MCM9: variants seen among roughly 807,000 people sequenced by gnomAD.
MCM9 encodes the protein minichromosome maintenance 9 homologous recombination repair factor, also known as DNA helicase MCM9.
MCM9 carries 55 observed loss-of-function variants against 72.8 expected under a neutral mutation model. The observed-to-expected ratio is 0.76, with a 90% CI of 0.61 to 0.95. MCM9 has a LOEUF of 0.95. MCM9 is among the 40% of genes least tolerant of loss of function. The pLI is 0.00. For synonymous variants in MCM9, 480 were observed against 503.4 expected (o/e 0.95, Z 0.62); for missense variants, 1,279 against 1,377.0 (o/e 0.93, Z 1.13).
intron 4 of MCM9, among the ~76,000 whole-genome samples, chr6:118,923,054 C>CAAAGA (rs1419286362): frequency 1.6e-5 from 2 of 125,084 alleles, no homozygotes; most frequent in Non-Finnish European, 3.4e-5. Flanking sequence ...AAAAAAAAAG[C>CAAAGA]AAAGAAAAGA....
intron 8 of MCM9, among the ~76,000 whole-genome samples, chr6:118,877,350 C>T (rs1221395632): frequency 1.3e-5 from 2 of 152,082 alleles, no homozygotes; most frequent in Non-Finnish European, 2.9e-5. Context: ...GCCAAGACCA[C>T]TAAGAGAAAG....
At chr6:118,821,914 T>C (rs1291060934) in intron 13 of MCM9, among the ~76,000 whole-genome samples, 1 of 152,244 alleles carries the variant, frequency 6.6e-6, no homozygotes, top group Non-Finnish European at 1.5e-5. Flanking sequence ...CTTGATTGAT[T>C]TGAGTACTGA....
intron 8 of MCM9, among the ~76,000 whole-genome samples, chr6:118,883,600 T>C (rs965030388): frequency 6.6e-6 from 1 of 151,978 alleles, no homozygotes; most frequent in African/African-American, 2.4e-5. Context: ...GAACAACTCT[T>C]CATTTAAAAG....
intron 8 of MCM9, among the ~76,000 whole-genome samples, chr6:118,863,163 G>T (rs1777005674): frequency 6.6e-6 from 1 of 152,130 alleles, no homozygotes; most frequent in Admixed American, 6.5e-5. Context: ...GTATTTAATT[G>T]TATATGCATA....
intron 9 of MCM9, among the ~76,000 whole-genome samples, chr6:118,834,264 T>G (rs566947075): frequency 6.6e-6 from 1 of 152,348 alleles, no homozygotes; most frequent in South Asian, 2.1e-4. Context: ...CTATCATTGA[T>G]GGGCATTTGG....
chr6:118,837,594 G>A (rs1441142931), intron 9 of MCM9, among the ~76,000 whole-genome samples: 1 of 152,150 alleles, frequency 6.6e-6, no homozygotes, highest in Non-Finnish European at 1.5e-5. Context: ...AGGTCTTCTT[G>A]TTGCATTGAT....
intron 8 of MCM9, among the ~76,000 whole-genome samples, chr6:118,861,720 C>A (rs1440613859): frequency 6.6e-6 from 1 of 152,150 alleles, no homozygotes; most frequent in Non-Finnish European, 1.5e-5. Context: ...GGAGGAAGTG[C>A]ATGCTGACTG....
At chr6:118,856,673 G>A in intron 8 of MCM9, 128 bp from the exon 9 acceptor site, 1 of 963,604 alleles carries the variant, frequency 1.0e-6, no homozygotes, top group East Asian at 2.6e-5. Context: ...GAACACAGGA[G>A]TTCGAGGCCT....
chr6:118,843,662 A>ACACACGTG (rs1332413866), intron 9 of MCM9, among the ~76,000 whole-genome samples: 2 of 59,684 alleles, frequency 3.4e-5, no homozygotes, highest in African/African-American at 6.8e-5. Context: ...ATATGTGTAT[A>ACACACGTG]TATATATGTA....
intron 8 of MCM9, among the ~76,000 whole-genome samples, chr6:118,871,436 G>T (rs931963196): frequency 4.6e-5 from 7 of 152,124 alleles, no homozygotes; most frequent in East Asian, 1.9e-4. Flanking sequence ...ATCCTTTCAG[G>T]ATAAAAATTC....
intron 3 of MCM9, among the ~76,000 whole-genome samples, chr6:118,924,712 G>C (rs1781735139): frequency 6.6e-6 from 1 of 152,154 alleles, no homozygotes; most frequent in Non-Finnish European, 1.5e-5. Context: ...TAAAAGCCTT[G>C]TGTTTTTCAA....
intron 8 of MCM9, among the ~76,000 whole-genome samples, chr6:118,885,236 AAAAAT>A (rs1240611821): frequency 2.6e-5 from 4 of 152,246 alleles, no homozygotes; most frequent in African/African-American, 9.6e-5. Flanking sequence ...ATAAATAAAT[AAAAAT>A]AAAATAAAAA....
intron 13 of MCM9, among the ~76,000 whole-genome samples, chr6:118,820,840 C>G (rs113912752): frequency 3.3e-5 from 5 of 152,240 alleles, no homozygotes; most frequent in African/African-American, 9.6e-5. Flanking sequence ...GGATAGTTAG[C>G]TCTTCTTGTT....
intron 9 of MCM9, among the ~76,000 whole-genome samples, chr6:118,852,952 G>A (rs749548799): frequency 1.6e-4 from 24 of 152,058 alleles, no homozygotes; most frequent in Non-Finnish European, 2.9e-4. Flanking sequence ...ATTCATCCAC[G>A]TTGTTGATTC....
chr6:118,897,906 A>G (rs144760363), intron 8 of MCM9, among the ~76,000 whole-genome samples: 66 of 152,234 alleles, frequency 4.3e-4, no homozygotes, highest in African/African-American at 1.5e-3. Context: ...TGTAGCAAGC[A>G]TCCCATAAAC....
chr6:118,843,722 A>ATGTATGTG (rs537080590), intron 9 of MCM9, among the ~76,000 whole-genome samples: 2 of 81,610 alleles, frequency 2.5e-5, no homozygotes, highest in Non-Finnish European at 4.8e-5. Context: ...ATATATATGT[A>ATGTATGTG]TATATATATA....
intron 9 of MCM9, among the ~76,000 whole-genome samples, chr6:118,834,888 T>C (rs1385296318): frequency 1.3e-5 from 2 of 152,250 alleles, no homozygotes; most frequent in African/African-American, 2.4e-5. Flanking sequence ...CTGGCTTTTG[T>C]TGCCATTGCT....
chr6:118,848,741 T>C (rs965516664), intron 9 of MCM9, among the ~76,000 whole-genome samples: 1 of 152,046 alleles, frequency 6.6e-6, no homozygotes, highest in African/African-American at 2.4e-5. Context: ...CTGTGCAACA[T>C]GGTGAAACCC....
chr6:118,911,111 C>A, intron 8 of MCM9: 1 of 985,286 alleles, frequency 1.0e-6, no homozygotes, highest in African/African-American at 1.7e-5. Flanking sequence ...GACATTCTAC[C>A]TGCAAAGGCT....
Sources: gnomAD v4.1 joint callset for allele counts (sites outside exome capture counted in the v4.1 genomes callset) on GRCh38, gnomAD v4.1.1 for gene constraint, MANE v1.5 for transcripts, NCBI Gene and HGNC (gene_info 2026-07-23, HGNC 2026-07-21) for gene names.